ARG1: variants seen among roughly 807,000 people sequenced by gnomAD.
ARG1 encodes arginase 1.
ARG1 carries 20 observed loss-of-function variants against 33.0 expected under a neutral mutation model. The ratio of observed to expected loss-of-function variants is 0.61; its 90% CI spans 0.43 to 0.88. ARG1 has a LOEUF of 0.88. ARG1 is among the 40% of genes least tolerant of loss of function. The probability of loss-of-function intolerance (pLI) is 0.00; values close to 1 mark genes in which losing one functional copy is unlikely to be tolerated. For synonymous variants in ARG1, 146 were observed against 140.6 expected, an observed-to-expected ratio of 1.04 and a Z score of -0.27; for missense variants, 374 against 384.7, an observed-to-expected ratio of 0.97 and a Z score of 0.23.
chr6:131,581,386 A>C lies in ARG1; in HGVS notation c.465+8A>C. 2.5e-6 allele frequency: 4 copies of C among 1,610,126 alleles called. No individual in the cohort carries two copies. The highest frequency in any genetic ancestry group is 3.4e-6 in the Non-Finnish European group (4 of 1,178,012). On this transcript the variant is annotated splice_region_variant and intron_variant, in intron 4 of 7. Coordinates refer to ENST00000368087, the MANE Select transcript of ARG1 (RefSeq NM_000045.4). Reference sequence around the variant, plus strand: ...AAGGAACTAAAAGGAAAGGTAAAAGACTGGTTGGTACTCTAGTGCAATAGA... The same window carrying C: ...AAGGAACTAAAAGGAAAGGTAAAAGCCTGGTTGGTACTCTAGTGCAATAGA...
chr6:131,579,579 G>A (rs981369396), intron 3 of ARG1: 30 of 268,624 alleles, frequency 1.1e-4, no homozygotes, highest in African/African-American at 6.8e-4. Context: ...AGTATGTGAG[G>A]CAATTCATAG....
intron 5 of ARG1, 55 bp from the exon 6 acceptor site, chr6:131,583,005 C>G: frequency 8.0e-7 from 1 of 1,249,034 alleles, no homozygotes; most frequent in Non-Finnish European, 1.1e-6. Flanking sequence ...TAAAAGGAGA[C>G]AGGCGGGCAC....
rs1259059245 is a variant in ARG1 at position 131,583,404 on chromosome 6, T to G, written c.715T>G (p.Ser239Ala). The change falls in exon 7 of 8, where the codon TCT becomes GCT. Residue 239 changes from serine (S) to alanine (A), a missense_variant. Transcript: ENST00000368087. ...TTTTGATGTTGACGGACTGGACCCA[T>G]CTTTCACACCAGCTACTGGCACACC... ...LSFDVDGLDP[S>A]FTPATGTPVV... is the part of the protein sequence containing the mutation. 4 of 1,614,158 alleles carry G rather than the reference T, an allele frequency of 2.5e-6. No individual in the cohort carries two copies. The highest frequency in any genetic ancestry group is 2.5e-6 in the Non-Finnish European group (3 of 1,180,008).
chr6:131,580,643 G>A (rs1429789773), intron 3 of ARG1, among the ~76,000 whole-genome samples: 1 of 152,166 alleles, frequency 6.6e-6, no homozygotes, highest in Non-Finnish European at 1.5e-5. Context: ...CTTTGTTCCT[G>A]GTTGAGTGGG....
At chr6:131,574,213 G>A in intron 1 of ARG1, 2 of 1,534,972 alleles carry the variant, frequency 1.3e-6, no homozygotes, top group South Asian at 2.2e-5. Flanking sequence ...TACTAAGGTT[G>A]ATTTTCTCCA....
intron 7 of ARG1, 52 bp downstream of exon 7, chr6:131,583,543 A>G: frequency 3.2e-6 from 5 of 1,548,784 alleles, no homozygotes; most frequent in Non-Finnish European, 4.3e-6. Flanking sequence ...TGACTAATAT[A>G]TATTTATACC....
chr6:131,578,621 TTG>T (rs928122179), intron 2 of ARG1, among the ~76,000 whole-genome samples: 93 of 152,224 alleles, frequency 6.1e-4, no homozygotes, highest in African/African-American at 2.1e-3. Flanking sequence ...AATGGATACT[TTG>T]TGTGTCTGTG....
intron 2 of ARG1, among the ~76,000 whole-genome samples, chr6:131,577,769 G>A (rs548689000): frequency 6.6e-6 from 1 of 152,054 alleles, no homozygotes; most frequent in Admixed American, 6.6e-5. Flanking sequence ...GCTGGGCGTG[G>A]TGGCATGAGC....
Position 131,584,155 on chromosome 6 carries a change from A to C in ARG1, c.*247A>C, listed in dbSNP as rs972527136. ...CTTATCCTTAGAAAGAGAAGTGTACATTGATTTCCAATTAAAAATTTGCTG... is the reference window on the plus strand; with the variant it reads ...CTTATCCTTAGAAAGAGAAGTGTACCTTGATTTCCAATTAAAAATTTGCTG... On this transcript the variant is annotated 3_prime_UTR_variant, in exon 8 of 8. Coordinates refer to ENST00000368087, the MANE Select transcript of ARG1 (RefSeq NM_000045.4). 2 of 478,878 alleles carry C rather than the reference A, an allele frequency of 4.2e-6. No homozygotes were observed. Among genetic ancestry groups the C allele is most frequent in the African/African-American group, 2.0e-5 (1 of 50,990 alleles). The allele number at this position is 478,878 out of a possible 1,614,324, so 29.7% of individuals were successfully genotyped here. A position where few individuals can be genotyped will look rare whatever the true frequency, so the allele number is the denominator to read the frequency against.
At chr6:131,582,940 G>A in intron 5 of ARG1, 120 bp from the exon 6 acceptor site, 1 of 810,302 alleles carries the variant, frequency 1.2e-6, no homozygotes. Flanking sequence ...ACTATATTGA[G>A]TTAGGTTCAT....
chr6:131,580,075 C>T (rs1236128469), intron 3 of ARG1, among the ~76,000 whole-genome samples: 2 of 152,112 alleles, frequency 1.3e-5, no homozygotes, highest in African/African-American at 4.8e-5. Context: ...GTGGCAAAGA[C>T]CATTTTTGTG....
At position 131,583,842 on chromosome 6, in the gene ARG1, G is replaced by T; in HGVS notation, c.903G>T (p.Leu301Phe). The change falls in exon 8 of 8, where the codon TTG (leucine) becomes TTT (phenylalanine). Residue 301 changes from leucine (L) to phenylalanine (F), a missense_variant. Leu to Phe is a conservative substitution (Grantham distance 22). Transcript: ENST00000368087. ...RTVNTAVAIT[L>F]ACFGLAREGN... ...TGAACACAGCAGTTGCAATAACCTT[G>T]GCTTGTTTCGGACTTGCTCGGGAGG... 3 of 1,614,068 alleles carry T rather than the reference G, an allele frequency of 1.9e-6. No individual in the cohort carries two copies. The highest frequency in any genetic ancestry group is 2.5e-6 in the Non-Finnish European group (3 of 1,179,984).
chr6:131,575,668 GACA>G (rs1458118078), intron 1 of ARG1, among the ~76,000 whole-genome samples: 1 of 152,182 alleles, frequency 6.6e-6, no homozygotes, highest in African/African-American at 2.4e-5. Flanking sequence ...TGTCTCATCT[GACA>G]ACATGTAATA....
At position 131,582,667 on chromosome 6, in the gene ARG1, C is replaced by T; in HGVS notation, c.512C>T (p.Ala171Val). Reference sequence around the variant, plus strand: ...TCCTGGGTGACTCCCTGTATATCTGCCAAGGATATTGTGTATATTGGCTTG... The same window carrying T: ...TCCTGGGTGACTCCCTGTATATCTGTCAAGGATATTGTGTATATTGGCTTG... ...GFSWVTPCIS[A>V]KDIVYIGLRD... is the part of the protein sequence containing the mutation. Residue 171 changes from alanine (A) to valine (V), a missense_variant, in exon 5 of 8, where the codon GCC becomes GTC. By Grantham distance (64) the Ala-to-Val change is moderately conservative. Transcript: ENST00000368087. The T allele has an allele frequency of 6.2e-7, 1 of 1,613,864 alleles. No homozygotes were observed. The highest frequency in any genetic ancestry group is 8.5e-7 in the Non-Finnish European group (1 of 1,179,834).
chr6:131,582,597 C>A, intron 4 of ARG1, 24 bp from the exon 5 acceptor site: 1 of 1,579,046 alleles, frequency 6.3e-7, no homozygotes. Context: ...CATACATAAC[C>A]AAGTGAAAAC....
chr6:131,578,222 T>C (rs1484485133), intron 2 of ARG1, among the ~76,000 whole-genome samples: 1 of 150,328 alleles, frequency 6.7e-6, no homozygotes, highest in Non-Finnish European at 1.5e-5. Flanking sequence ...AGACACCCAG[T>C]AGAGAACAGA....
chr6:131,578,989 T>C, intron 2 of ARG1, 122 bp from the exon 3 acceptor site: 1 of 1,149,282 alleles, frequency 8.7e-7, no homozygotes, highest in Non-Finnish European at 1.2e-6. Context: ...TACAGACCTT[T>C]CAGGTTTTTC....
At chr6:131,578,015 T>TA (rs1427095466) in intron 2 of ARG1, among the ~76,000 whole-genome samples, 1 of 151,676 alleles carries the variant, frequency 6.6e-6, no homozygotes, top group Non-Finnish European at 1.5e-5. Context: ...ATTCCACTGA[T>TA]ACGACATTCT....
Position 131,583,823 on chromosome 6 carries a change from C to A in ARG1, c.884C>A (p.Thr295Lys), listed in dbSNP as rs1332603898. 1.9e-6 allele frequency: 3 copies of A among 1,614,040 alleles called. No homozygotes were observed. In the African/African-American group the frequency reaches 4.0e-5, roughly 22 times the overall value. Residue 295 changes from threonine to lysine, a missense_variant, in exon 8 of 8, where the codon ACA (threonine) becomes AAA (lysine). Thr to Lys is a moderately conservative substitution (Grantham distance 78). Transcript: ENST00000368087. ...TPEEVTRTVN[T>K]AVAITLACFG... The stretch of plus-strand genomic sequence containing the variant: ...GAAGAAGTAACTCGAACAGTGAACA[C>A]AGCAGTTGCAATAACCTTGGCTTGT...
Sources: gnomAD v4.1 joint callset for allele counts (sites outside exome capture counted in the v4.1 genomes callset) on GRCh38, gnomAD v4.1.1 for gene constraint, MANE v1.5 for transcripts, NCBI Gene and HGNC (gene_info 2026-07-23, HGNC 2026-07-21) for gene names.